GYG1: variants seen among roughly 807,000 people sequenced by gnomAD.
GYG1 encodes the protein glycogenin 1.
GYG1 carries 44 observed loss-of-function variants against 41.9 expected under a neutral mutation model. That is an observed-to-expected ratio of 1.05 (90% CI 0.83 to 1.35). The LOEUF is 1.35. Ranked by LOEUF, GYG1 falls within the 40% of genes most tolerant of loss-of-function variation. The probability of loss-of-function intolerance (pLI) is 0.00; values close to 1 mark genes in which losing one functional copy is unlikely to be tolerated. For missense variants in GYG1, 429 were observed against 418.9 expected (o/e 1.02, Z -0.21); for synonymous variants, 141 against 158.1 (o/e 0.89, Z 0.81).
At chr3:149,016,424 A>G (rs1028688444) in intron 5 of GYG1, among the ~76,000 whole-genome samples, 5 of 152,128 alleles carry the variant, frequency 3.3e-5, no homozygotes, top group Non-Finnish European at 7.4e-5. Flanking sequence ...GCTAAGAATG[A>G]CATGCTGCCT....
intron 1 of GYG1, among the ~76,000 whole-genome samples, chr3:148,993,361 A>G (rs1264212368): frequency 4.6e-5 from 7 of 152,058 alleles, no homozygotes; most frequent in Admixed American, 2.0e-4. Context: ...TTCTTCTCCA[A>G]AGAAAAGCAG....
chr3:148,998,082 T>G (rs1025367349), intron 4 of GYG1, among the ~76,000 whole-genome samples: 4 of 152,236 alleles, frequency 2.6e-5, no homozygotes, highest in African/African-American at 9.6e-5. Context: ...TTTGTTAGAT[T>G]GCTGAGGTGA....
At position 149,028,495 on chromosome 3, in the gene GYG1, CT is replaced by C. The variant is rs1714769209; in HGVS notation, c.*1563del. On this transcript the variant is annotated 3_prime_UTR_variant, in exon 8 of 8. Coordinates refer to ENST00000345003, the MANE Select transcript of GYG1 (RefSeq NM_004130.4). ...GATGCTGTGGTACAAAGAAGGACTTCTCAAAATTTTAGCTAGTCAGAGGTCT... is the reference window on the plus strand; with the variant it reads ...GATGCTGTGGTACAAAGAAGGACTTCCAAAATTTTAGCTAGTCAGAGGTCT... 6.6e-6 allele frequency among the ~76,000 whole-genome samples: 1 copy of C among 152,132 alleles called. No individual in the cohort carries two copies. Among genetic ancestry groups the C allele is most frequent in the African/African-American group, 2.4e-5 (1 of 41,436 alleles).
intron 5 of GYG1, among the ~76,000 whole-genome samples, chr3:149,019,129 C>T (rs1421494521): frequency 6.6e-6 from 1 of 151,496 alleles, no homozygotes; most frequent in Admixed American, 6.6e-5. Context: ...AAAGCATTTC[C>T]ATTCCTTACT....
chr3:148,992,995 G>C (rs924404606), intron 1 of GYG1, among the ~76,000 whole-genome samples: 2 of 152,108 alleles, frequency 1.3e-5, no homozygotes, highest in African/African-American at 4.8e-5. Flanking sequence ...ACGGGCAAGG[G>C]AGAATGAGGG....
chr3:149,014,700 A>G (rs1713921746), intron 5 of GYG1, among the ~76,000 whole-genome samples: 1 of 151,832 alleles, frequency 6.6e-6, no homozygotes, highest in Non-Finnish European at 1.5e-5. Flanking sequence ...AAAAATACAT[A>G]TATATAAATA....
intron 5 of GYG1, among the ~76,000 whole-genome samples, chr3:149,017,718 A>G (rs1714146510): frequency 6.8e-6 from 1 of 146,070 alleles, no homozygotes; most frequent in Non-Finnish European, 1.5e-5. Flanking sequence ...ATTCTCCTGC[A>G]TCAGCCTCCC....
chr3:148,991,570 C>A lies in GYG1; in HGVS notation c.-71C>A. On this transcript the variant is annotated 5_prime_UTR_variant, in exon 1 of 8. Coordinates refer to ENST00000345003, the MANE Select transcript of GYG1 (RefSeq NM_004130.4). ...GCCGTGCCTCCTCGCTGGCCGCGCTCCCTCCCGGTGCCGGCTTCTCTGAGT... is the reference window on the plus strand; with the variant it reads ...GCCGTGCCTCCTCGCTGGCCGCGCTACCTCCCGGTGCCGGCTTCTCTGAGT... 1 of 1,533,196 alleles carries A rather than the reference C, an allele frequency of 6.5e-7. No homozygotes were observed. The highest frequency in any genetic ancestry group is 8.7e-7 in the Non-Finnish European group (1 of 1,146,248). The allele number at this position is 1,533,196 out of a possible 1,614,324, so 95.0% of individuals were successfully genotyped here. A position where few individuals can be genotyped will look rare whatever the true frequency, so the allele number is the denominator to read the frequency against.
Position 148,996,462 on chromosome 3 carries a change from G to C in GYG1, c.304G>C (p.Asp102His), listed in dbSNP as rs143137713. ...ACAGTATTCAAAATGTGTATTCATG[G>C]ATGCAGATACTCTGGTGAGTGTGGC... is the stretch of plus-strand genomic sequence containing the variant. ...LTQYSKCVFM[D>H]ADTLVLANID... is the part of the protein sequence containing the mutation. Residue 102 changes from aspartate (D) to histidine (H), a missense_variant, in exon 3 of 8, where the codon GAT (aspartate) becomes CAT (histidine). Physicochemically the swap from Asp to His is moderately conservative, Grantham distance 81 (BLOSUM62 -1). Transcript: ENST00000345003. 2,948 of 1,613,688 alleles carry C rather than the reference G, an allele frequency of 1.8e-3. 2 individuals carry two copies. The highest frequency in any genetic ancestry group is 2.3e-3 in the Non-Finnish European group (2,750 of 1,179,730).
chr3:149,004,980 C>G (rs1330928905), intron 4 of GYG1, among the ~76,000 whole-genome samples: 1 of 152,154 alleles, frequency 6.6e-6, no homozygotes, highest in East Asian at 1.9e-4. Context: ...CAGGCTCATG[C>G]AGGTCGGATT....
chr3:149,007,510 A>G (rs1713467816), intron 4 of GYG1, among the ~76,000 whole-genome samples: 1 of 152,212 alleles, frequency 6.6e-6, no homozygotes, highest in South Asian at 2.1e-4. Flanking sequence ...AGTTGATTGA[A>G]GGTATTTGGA....
At chr3:148,994,907 G>T (rs989211597) in intron 2 of GYG1, among the ~76,000 whole-genome samples, 1 of 152,208 alleles carries the variant, frequency 6.6e-6, no homozygotes, top group African/African-American at 2.4e-5. Context: ...TGGGCCAGGT[G>T]TGATGGCTCA....
At chr3:149,013,347 CGTTTA>C (rs1224524066) in intron 5 of GYG1, among the ~76,000 whole-genome samples, 2 of 152,060 alleles carry the variant, frequency 1.3e-5, no homozygotes, top group Non-Finnish European at 2.9e-5. Context: ...TTTTAAAAAT[CGTTTA>C]GTTTCATTTT....
chr3:148,996,623 G>A (rs1481445220), intron 3 of GYG1, 119 bp from the exon 4 acceptor site: 2 of 1,201,888 alleles, frequency 1.7e-6, no homozygotes, highest in African/African-American at 1.5e-5. Flanking sequence ...TGAAGGAGAG[G>A]AGGCCCAGGC....
In GYG1 at chr3:148,991,644, A is replaced by T; in HGVS notation, c.4A>T (p.Thr2Ser). Reference protein sequence around the residue: MTDQAFVTLTTN... With the variant: MSDQAFVTLTTN... ...CGCCTGCGCACCCGGCAGCACCATGACAGGTACCGCCGCGCAGCCCGCCGC... is the reference window on the plus strand; with the variant it reads ...CGCCTGCGCACCCGGCAGCACCATGTCAGGTACCGCCGCGCAGCCCGCCGC... The change falls in exon 1 of 8, where the codon ACA becomes TCA. Residue 2 changes from threonine to serine, a missense_variant. Coordinates refer to ENST00000345003, the MANE Select transcript of GYG1 (RefSeq NM_004130.4). The T allele has an allele frequency of 1.3e-6, 2 of 1,545,718 alleles. No homozygotes were observed. Among genetic ancestry groups the T allele is most frequent in the Admixed American group, 3.7e-5 (2 of 53,732 alleles).
chr3:149,012,893 C>T (rs531942448), intron 5 of GYG1, among the ~76,000 whole-genome samples: 2 of 152,148 alleles, frequency 1.3e-5, no homozygotes, highest in South Asian at 2.1e-4. Flanking sequence ...GGTAGAATCA[C>T]GACTCACTAT....
At chr3:148,996,637 C>A in intron 3 of GYG1, 105 bp from the exon 4 acceptor site, 1 of 1,270,698 alleles carries the variant, frequency 7.9e-7, no homozygotes, top group Non-Finnish European at 1.1e-6. Context: ...CCCAGGCTGC[C>A]TTACAGCTGT....
chr3:148,991,693 C>T (rs558266733), intron 1 of GYG1, 46 bp downstream of exon 1: 63 of 1,426,144 alleles, frequency 4.4e-5, no homozygotes, highest in Non-Finnish European at 2.1e-5. Flanking sequence ...ACCCCGGCTT[C>T]CTGCCCAGCC....
At chr3:149,011,431 C>T (rs1713716715) in intron 5 of GYG1, among the ~76,000 whole-genome samples, 1 of 152,182 alleles carries the variant, frequency 6.6e-6, no homozygotes, top group Admixed American at 6.5e-5. Flanking sequence ...AGGAGAAAGA[C>T]TTTTGAATAG....
Sources: gnomAD v4.1 joint callset for allele counts (sites outside exome capture counted in the v4.1 genomes callset) on GRCh38, gnomAD v4.1.1 for gene constraint, MANE v1.5 for transcripts, NCBI Gene and HGNC (gene_info 2026-07-23, HGNC 2026-07-21) for gene names.